KDM4C: variants seen among roughly 807,000 people sequenced by gnomAD.
KDM4C encodes lysine-specific demethylase 4C.
KDM4C carries 81 observed loss-of-function variants against 129.3 expected under a neutral mutation model. That is an observed-to-expected ratio of 0.63 (90% CI 0.52 to 0.75). The LOEUF (loss-of-function observed/expected upper bound fraction) is 0.75, where lower values mean the gene tolerates loss of function less well. Among genes scored for constraint, KDM4C ranks in the 30% least tolerant of loss-of-function variants. KDM4C has a pLI of 0.00. For synonymous variants in KDM4C, 573 were observed against 456.1 expected, an observed-to-expected ratio of 1.26 and a Z score of -3.26; for missense variants, 1,457 against 1,304.0, an observed-to-expected ratio of 1.12 and a Z score of -1.81.
intron 19 of KDM4C, among the ~76,000 whole-genome samples, chr9:7,153,157 T>C (rs1842867616): frequency 6.6e-6 from 1 of 152,174 alleles, no homozygotes; most frequent in South Asian, 2.1e-4. Context: ...AGGCTGGTCT[T>C]GAACTCCTGA....
chr9:7,097,024 T>G (rs1362653657), intron 17 of KDM4C, among the ~76,000 whole-genome samples: 1 of 152,168 alleles, frequency 6.6e-6, no homozygotes, highest in East Asian at 1.9e-4. Context: ...TTGCTCATGT[T>G]TTTTCACCTC....
rs1838158050 is a variant in KDM4C at position 7,110,154 on chromosome 9, T to G, written c.2610+6284T>G. ...GAAACTATCTTTGTTTTTTTCGCAG[T>G]GGGAAATGCCAAAGTTATCTTGGTT... On this transcript the variant is annotated intron_variant, in intron 18 of 21. Transcript: ENST00000381309. Among the ~76,000 whole-genome samples, 3 of 152,186 alleles carry G rather than the reference T, an allele frequency of 2.0e-5. No individual in the cohort carries two copies. The South Asian group carries it at 6.2e-4, about 32-fold the overall frequency.
intron 17 of KDM4C, among the ~76,000 whole-genome samples, chr9:7,054,381 T>C (rs1355607858): frequency 6.6e-6 from 1 of 152,172 alleles, no homozygotes; most frequent in Non-Finnish European, 1.5e-5. Flanking sequence ...AGTGAATCTC[T>C]GGAAGAAGAA....
intron 17 of KDM4C, among the ~76,000 whole-genome samples, chr9:7,068,301 G>A (rs1832717777): frequency 6.6e-6 from 1 of 152,132 alleles, no homozygotes; most frequent in Non-Finnish European, 1.5e-5. Context: ...AAACCCACTA[G>A]CATCATGACA....
chr9:7,001,836 T>A (rs552180596), intron 12 of KDM4C, among the ~76,000 whole-genome samples: 1 of 152,256 alleles, frequency 6.6e-6, no homozygotes, highest in East Asian at 1.9e-4. Flanking sequence ...TTTGACTTTG[T>A]ATTGTATATG....
intron 2 of KDM4C, among the ~76,000 whole-genome samples, chr9:6,800,077 A>C (rs1250078619): frequency 3.3e-5 from 5 of 151,982 alleles, no homozygotes; most frequent in Non-Finnish European, 7.4e-5. Context: ...AAAATAAATA[A>C]ATAAAAAAGG....
intron 18 of KDM4C, among the ~76,000 whole-genome samples, chr9:7,111,423 A>G (rs1020667556): frequency 1.3e-5 from 2 of 152,232 alleles, no homozygotes; most frequent in African/African-American, 2.4e-5. Context: ...GCTCCCAAGC[A>G]TTTTGGATGA....
At chr9:6,921,412 ACT>A (rs778201520) in intron 8 of KDM4C, among the ~76,000 whole-genome samples, 40 of 152,172 alleles carry the variant, frequency 2.6e-4, no homozygotes, top group East Asian at 5.8e-4. Context: ...TTTAGTGGCA[ACT>A]CTGTTTCTCC....
chr9:7,105,045 T>C (rs1837524330), intron 18 of KDM4C, among the ~76,000 whole-genome samples: 1 of 152,240 alleles, frequency 6.6e-6, no homozygotes, highest in African/African-American at 2.4e-5. Context: ...AGTTGCATAT[T>C]CATTCATGCC....
chr9:6,769,858 T>C (rs1821387268), intron 1 of KDM4C, among the ~76,000 whole-genome samples: 1 of 152,206 alleles, frequency 6.6e-6, no homozygotes, highest in Non-Finnish European at 1.5e-5. Context: ...TTGTGAACAT[T>C]AATGAGGGTT....
At chr9:6,764,425 A>G (rs979640312) in intron 1 of KDM4C, among the ~76,000 whole-genome samples, 1 of 152,146 alleles carries the variant, frequency 6.6e-6, no homozygotes, top group Non-Finnish European at 1.5e-5. Flanking sequence ...CATTATTTGT[A>G]CTGTTTGTTT....
chr9:6,840,087 T>G (rs1053995696), intron 4 of KDM4C, among the ~76,000 whole-genome samples: 2 of 151,342 alleles, frequency 1.3e-5, no homozygotes, highest in Non-Finnish European at 2.9e-5. Context: ...TCCTCTTTTT[T>G]TTTGGAGACA....
intron 19 of KDM4C, among the ~76,000 whole-genome samples, chr9:7,154,741 A>G (rs1431115719): frequency 1.3e-5 from 2 of 152,198 alleles, no homozygotes; most frequent in African/African-American, 4.8e-5. Flanking sequence ...CACCGTGATT[A>G]TGATTTCTGT....
intron 1 of KDM4C, among the ~76,000 whole-genome samples, chr9:6,724,593 C>T (rs769601439): frequency 4.6e-5 from 7 of 152,206 alleles, no homozygotes; most frequent in Admixed American, 2.6e-4. Context: ...TGCAGTGGCA[C>T]GATCTCGGCT....
At chr9:6,854,525 C>CAAAAAAAAATAAAAA (rs1839421422) in intron 5 of KDM4C, among the ~76,000 whole-genome samples, 1 of 41,384 alleles carries the variant, frequency 2.4e-5, no homozygotes, top group Non-Finnish European at 4.5e-5. Flanking sequence ...AACTCCGTCT[C>CAAAAAAAAATAAAAA]AAAAAAAAAA....
intron 15 of KDM4C, among the ~76,000 whole-genome samples, chr9:7,044,777 T>A (rs1364293238): frequency 6.6e-6 from 1 of 151,852 alleles, no homozygotes; most frequent in Non-Finnish European, 1.5e-5. Context: ...GGGTAGTGGA[T>A]CAGATGCTCA....
intron 15 of KDM4C, among the ~76,000 whole-genome samples, chr9:7,020,012 T>C (rs868227420): frequency 3.7e-4 from 56 of 152,068 alleles, no homozygotes; most frequent in African/African-American, 1.3e-3. Context: ...GAGATCATAG[T>C]GATGTGGGCT....
intron 2 of KDM4C, among the ~76,000 whole-genome samples, chr9:6,798,290 T>A (rs1349809383): frequency 2.0e-5 from 3 of 151,990 alleles, no homozygotes; most frequent in Non-Finnish European, 2.9e-5. Context: ...TCTTGGATGT[T>A]TCTCGCAGAG....
At chr9:6,993,121 T>TATTTTCCGGGAAAAG (rs1200673265) in intron 12 of KDM4C, among the ~76,000 whole-genome samples, 11 of 152,298 alleles carry the variant, frequency 7.2e-5, no homozygotes, top group Admixed American at 1.3e-4. Context: ...CCTAGCCTGT[T>TATTTTCCGGGAAAAG]ATTTTCCGGG....
Sources: allele counts gnomAD v4.1 joint callset (sites outside exome capture counted in the v4.1 genomes callset), GRCh38; gene constraint gnomAD v4.1.1; transcripts MANE v1.5; gene names NCBI Gene and HGNC (gene_info 2026-07-23, HGNC 2026-07-21).